RGS6: variants seen among roughly 807,000 people sequenced by gnomAD.
RGS6 encodes the protein regulator of G protein signaling 6.
RGS6 carries 30 observed loss-of-function variants against 78.5 expected under a neutral mutation model. That is an observed-to-expected ratio of 0.38 (90% confidence interval 0.29 to 0.52). The LOEUF is 0.52. Ranked by LOEUF, RGS6 falls within the 20% of genes least tolerant of loss-of-function variation. RGS6 has a pLI of 0.85. For missense variants in RGS6, 495 were observed against 609.7 expected (o/e 0.81, Z 1.98); for synonymous variants, 206 against 206.0 (o/e 1.00, Z 0.00).
chr14:72,474,318 A>G (rs2096175853), intron 9 of RGS6, among the ~76,000 whole-genome samples: 1 of 152,192 alleles, frequency 6.6e-6, no homozygotes, highest in Admixed American at 6.5e-5. Flanking sequence ...TCTTTTTCAA[A>G]CGGTTAAGTA....
chr14:72,482,982 A>T (rs1325418340), intron 12 of RGS6, among the ~76,000 whole-genome samples: 2 of 152,130 alleles, frequency 1.3e-5, no homozygotes, highest in African/African-American at 4.8e-5. Context: ...CATGGTGTTT[A>T]TTTCATCTGT....
At chr14:72,120,214 G>A (rs1189352813) in intron 2 of RGS6, among the ~76,000 whole-genome samples, 1 of 152,208 alleles carries the variant, frequency 6.6e-6, no homozygotes, top group Non-Finnish European at 1.5e-5. Context: ...AGGAATGATA[G>A]ATTCTTTGAG....
At chr14:72,422,340 T>G (rs1296853135) in intron 3 of RGS6, among the ~76,000 whole-genome samples, 1 of 152,204 alleles carries the variant, frequency 6.6e-6, no homozygotes, top group Non-Finnish European at 1.5e-5. Flanking sequence ...TACATCTGAG[T>G]TATGCTATAA....
At chr14:72,128,802 AAC>A (rs2096255606) in intron 2 of RGS6, among the ~76,000 whole-genome samples, 1 of 152,216 alleles carries the variant, frequency 6.6e-6, no homozygotes, top group Non-Finnish European at 1.5e-5. Flanking sequence ...CAGATCCCAC[AAC>A]GTATGCGTGT....
downstream of RGS6, among the ~76,000 whole-genome samples, chr14:72,570,278 TAC>T (rs1398555448): frequency 6.6e-6 from 1 of 152,208 alleles, no homozygotes; most frequent in African/African-American, 2.4e-5. Flanking sequence ...AGACAAATAC[TAC>T]ACCATTTTAT....
chr14:71,981,583 C>T (rs1358888926), intron 2 of RGS6, among the ~76,000 whole-genome samples: 1 of 151,502 alleles, frequency 6.6e-6, no homozygotes. Flanking sequence ...GGGGTGCCTC[C>T]CAGTTAGGCT....
chr14:72,363,388 A>G (rs2081875009), intron 3 of RGS6, among the ~76,000 whole-genome samples: 1 of 152,266 alleles, frequency 6.6e-6, no homozygotes, highest in Non-Finnish European at 1.5e-5. Flanking sequence ...ACAGCCACGC[A>G]TCATTAAATA....
chr14:72,368,523 T>A (rs2082845784), intron 3 of RGS6, among the ~76,000 whole-genome samples: 1 of 152,172 alleles, frequency 6.6e-6, no homozygotes, highest in Non-Finnish European at 1.5e-5. Flanking sequence ...TTTAATAACG[T>A]GCGATGATGG....
At position 72,565,516 on chromosome 14, in the gene RGS6, C is replaced by T. The variant is rs942244339; in HGVS notation, c.*3049C>T. ...GTTCTCCTGGGAAGGTGTTGCTATA[C>T]CCCAGGAACAAAGCAGGGCCCAACT... On this transcript the variant is annotated 3_prime_UTR_variant, in exon 18 of 18. Coordinates refer to ENST00000553525, the MANE Select transcript of RGS6 (RefSeq NM_001204424.2). 1 of 152,258 alleles carries T rather than the reference C, an allele frequency of 6.6e-6. No individual in the cohort carries two copies. The highest frequency in any genetic ancestry group is 2.1e-4 in the South Asian group (1 of 4,822). The allele number at this position is 152,258 out of a possible 1,614,324, so 9.4% of individuals were successfully genotyped here. A position where few individuals can be genotyped will look rare whatever the true frequency, so the allele number is the denominator to read the frequency against.
intron 2 of RGS6, among the ~76,000 whole-genome samples, chr14:72,044,604 C>T (rs1207382600): frequency 2.0e-5 from 3 of 152,152 alleles, no homozygotes; most frequent in Admixed American, 2.0e-4. Flanking sequence ...GGTGCGGTGG[C>T]TCATGCCTGT....
chr14:71,920,357 T>C, the RGS6 span, among the ~76,000 whole-genome samples: 612 of 152,216 alleles, frequency 4.0e-3, 6 homozygotes, highest in African/African-American at 0.014. Flanking sequence ...ATATCACATA[T>C]AAAGGAGGAG....
intron 2 of RGS6, among the ~76,000 whole-genome samples, chr14:72,262,079 A>G (rs906097037): frequency 1.3e-5 from 2 of 151,928 alleles, no homozygotes; most frequent in Non-Finnish European, 2.9e-5. Context: ...AGTACCTTCT[A>G]ACAGTTCCAG....
chr14:72,050,458 G>A (rs1006865802), intron 2 of RGS6, among the ~76,000 whole-genome samples: 1 of 152,150 alleles, frequency 6.6e-6, no homozygotes. Flanking sequence ...AAATGTAAGG[G>A]GGGGATTGAG....
At chr14:72,155,060 G>A (rs966654911) in intron 2 of RGS6, among the ~76,000 whole-genome samples, 1 of 152,232 alleles carries the variant, frequency 6.6e-6, no homozygotes, top group Non-Finnish European at 1.5e-5. Context: ...ATGCCTCATT[G>A]CTGGCTTTCT....
chr14:72,004,849 A>AT (rs1224764581), intron 2 of RGS6, among the ~76,000 whole-genome samples: 1 of 152,034 alleles, frequency 6.6e-6, no homozygotes, highest in African/African-American at 2.4e-5. Flanking sequence ...AAATAAATAA[A>AT]ACAAACATAA....
the RGS6 span, among the ~76,000 whole-genome samples, chr14:72,576,910 G>A: frequency 1.3e-5 from 2 of 152,222 alleles, no homozygotes; most frequent in Non-Finnish European, 2.9e-5. Flanking sequence ...GATGCCTTGT[G>A]CCTTTCAGGT....
chr14:72,562,406 T>A lies in RGS6; in HGVS notation c.1423-11T>A. ...GCCTGTGCGTGCCTCTCTGTCGCTG[T>A]CTCTCTGCAGGGAAAGTCGCTGGCG... On this transcript the variant is annotated splice_polypyrimidine_tract_variant and intron_variant, in intron 17 of 17. Transcript: ENST00000553525. 6.2e-7 allele frequency: 1 copy of A among 1,612,322 alleles called. No individual in the cohort carries two copies.
At chr14:71,989,286 G>C (rs1273557688) in intron 2 of RGS6, among the ~76,000 whole-genome samples, 1 of 152,254 alleles carries the variant, frequency 6.6e-6, no homozygotes, top group African/African-American at 2.4e-5. Context: ...AGGTCAGGCT[G>C]TCTCTTCTTC....
rs539094568 is a variant in RGS6 at position 72,184,151 on chromosome 14, A to T, written c.85-167944A>T. ...CACACCCTGTGAGGCTTTTTCCCAG[A>T]TGTTATTTCTCCTTCTTGAAGCTTC... On this transcript the variant is annotated intron_variant, in intron 2 of 17. Transcript: ENST00000553525. Among the ~76,000 whole-genome samples, 3 of 152,078 alleles carry T rather than the reference A, an allele frequency of 2.0e-5. No homozygotes were observed. In the East Asian group the frequency reaches 5.8e-4, roughly 29 times the overall value.
Sources: allele counts gnomAD v4.1 joint callset (sites outside exome capture counted in the v4.1 genomes callset), GRCh38; gene constraint gnomAD v4.1.1; transcripts MANE v1.5; gene names NCBI Gene and HGNC (gene_info 2026-07-23, HGNC 2026-07-21).